The following SNX19 variants were observed in gnomAD, a reference collection of about 807,000 sequenced individuals.
SNX19 encodes the protein sorting nexin 19, also known as sorting nexin-19.
SNX19 carries 60 observed loss-of-function variants against 85.2 expected under a neutral mutation model. That is an observed-to-expected ratio of 0.70 (90% CI 0.57 to 0.87). The LOEUF is 0.87. SNX19 is among the 40% of genes least tolerant of loss of function. The pLI is 0.00. For missense variants in SNX19, 1,201 were observed against 1,217.8 expected, an observed-to-expected ratio of 0.99 and a Z score of 0.21; for synonymous variants, 520 against 470.0, an observed-to-expected ratio of 1.11 and a Z score of -1.38.
At chr11:130,912,411 T>A (rs1239899700) in intron 1 of SNX19, among the ~76,000 whole-genome samples, 1 of 152,182 alleles carries the variant, frequency 6.6e-6, no homozygotes, top group Admixed American at 6.5e-5. Flanking sequence ...AGGGCTGGTA[T>A]GTGGAAAAGA....
intron 8 of SNX19, among the ~76,000 whole-genome samples, chr11:130,902,862 T>G (rs1030850688): frequency 6.6e-6 from 1 of 152,230 alleles, no homozygotes; most frequent in African/African-American, 2.4e-5. Context: ...GTTTTCTCCT[T>G]TTCTTTCCCA....
chr11:130,872,319 C>T lies in SNX19; in HGVS notation c.*6103G>A, dbSNP rs551504578. On this transcript the variant is annotated 3_prime_UTR_variant, in exon 11 of 11. Transcript: ENST00000265909. Reference sequence around the variant, plus strand: ...AGCATAGTGTGTCTGCCAAGGTCTGCGGGTGCCCAAATTTCCCCCACCGCT... The same window carrying T: ...AGCATAGTGTGTCTGCCAAGGTCTGTGGGTGCCCAAATTTCCCCCACCGCT... 2.6e-3 allele frequency among the ~76,000 whole-genome samples: 397 copies of T among 152,222 alleles called. 2 individuals are homozygous for T. Among genetic ancestry groups the T allele is most frequent in the African/African-American group, 9.2e-3 (383 of 41,538 alleles).
At chr11:130,884,746 T>C (rs919211241) in intron 8 of SNX19, among the ~76,000 whole-genome samples, 1 of 151,736 alleles carries the variant, frequency 6.6e-6, no homozygotes, top group Non-Finnish European at 1.5e-5. Flanking sequence ...GGCGCACGCC[T>C]GTAGTCTCCA....
In SNX19 at chr11:130,872,742, T is replaced by C. The variant is rs1290941076; in HGVS notation, c.*5680A>G. Among the ~76,000 whole-genome samples the C allele has an allele frequency of 6.6e-6, 1 of 152,178 alleles. No homozygotes were observed. The highest frequency in any genetic ancestry group is 1.5e-5 in the Non-Finnish European group (1 of 68,038). ...CAAGTTATGGCAGAGTGCGCCCAGT[T>C]AGGCCTTCGACTACAAAAGTATCAT... On this transcript the variant is annotated 3_prime_UTR_variant, in exon 11 of 11. Transcript: ENST00000265909.
intron 7 of SNX19, among the ~76,000 whole-genome samples, chr11:130,904,498 A>G (rs1358332815): frequency 1.3e-5 from 2 of 150,484 alleles, no homozygotes; most frequent in Non-Finnish European, 3.0e-5. Context: ...GTGATTTCTA[A>G]TCATCTTCTC....
intron 7 of SNX19, among the ~76,000 whole-genome samples, chr11:130,903,671 A>G (rs1439042507): frequency 6.7e-6 from 1 of 149,654 alleles, no homozygotes; most frequent in Non-Finnish European, 1.5e-5. Flanking sequence ...TATATCTGCT[A>G]AATATATATA....
intron 8 of SNX19, among the ~76,000 whole-genome samples, chr11:130,896,988 G>A (rs1592324070): frequency 6.6e-6 from 1 of 152,160 alleles, no homozygotes; most frequent in Middle Eastern, 3.4e-3. Context: ...GGAAGCAAGA[G>A]GGTTCATGGT....
rs1255618825 is a variant in SNX19 at position 130,914,761 on chromosome 11, A to G, written c.1179T>C (p.Phe393=). The change falls in exon 1 of 11, where the codon TTT becomes TTC. Residue 393 remains phenylalanine, a synonymous_variant. Transcript: ENST00000265909. ...GGGCATCCTGAATCCTGTCAGAGAG[A>G]AAGCTGCCTGGAGTCATGAGCATGA... ...ETIMLMTPGS[F]LSDRIQDALC... The G allele has an allele frequency of 1.6e-5, 26 of 1,614,208 alleles. No homozygotes were observed. The highest frequency in any genetic ancestry group is 2.2e-5 in the Non-Finnish European group (26 of 1,180,040).
chr11:130,897,740 G>A (rs1944976289), intron 8 of SNX19, among the ~76,000 whole-genome samples: 1 of 152,138 alleles, frequency 6.6e-6, no homozygotes, highest in Admixed American at 6.5e-5. Flanking sequence ...GTCTAACTCT[G>A]AGTACTTGCC....
intron 8 of SNX19, among the ~76,000 whole-genome samples, chr11:130,887,782 C>T (rs184917773): frequency 2.6e-5 from 4 of 152,208 alleles, no homozygotes; most frequent in Non-Finnish European, 4.4e-5. Flanking sequence ...CCCATACATC[C>T]GTGATTTTGC....
At chr11:130,902,353 G>T (rs900784071) in intron 8 of SNX19, among the ~76,000 whole-genome samples, 1 of 152,182 alleles carries the variant, frequency 6.6e-6, no homozygotes, top group African/African-American at 2.4e-5. Flanking sequence ...ACATAACTTA[G>T]AAAAGGGAGA....
chr11:130,881,467 C>G (rs1943667337), intron 8 of SNX19, among the ~76,000 whole-genome samples: 1 of 152,218 alleles, frequency 6.6e-6, no homozygotes, highest in African/African-American at 2.4e-5. Context: ...GGCAAGGCTG[C>G]ACCTATTATC....
chr11:130,906,129 G>A lies in SNX19; in HGVS notation c.2267C>T (p.Ser756Phe). 1 of 1,613,588 alleles carries A rather than the reference G, an allele frequency of 6.2e-7. No homozygotes were observed. Among genetic ancestry groups the A allele is most frequent in the Non-Finnish European group, 8.5e-7 (1 of 1,179,794 alleles). ...CATCGCAGACATGGATAGAGTCTCA[G>A]ACTCCTAAGAAATAGTCAGTGGCAT... Reference protein sequence around the residue: ...LYCLQEGNVESETLSMSAMES... With the variant: ...LYCLQEGNVEFETLSMSAMES... The change falls in exon 7 of 11, where the codon TCT (serine) becomes TTT (phenylalanine). Residue 756 changes from serine (S) to phenylalanine (F), a missense_variant. By Grantham distance (155) the Ser-to-Phe change is radical. This residue lies in a region of SNX19 where 285 missense variants were observed against 295.3 expected (regional missense o/e 0.97). Transcript: ENST00000265909.
chr11:130,906,225 A>G, intron 6 of SNX19, 92 bp from the exon 7 acceptor site: 1 of 1,333,542 alleles, frequency 7.5e-7, no homozygotes, highest in Non-Finnish European at 1.0e-6. Context: ...TCCCCTGCAT[A>G]AGTACCTTGG....
At chr11:130,880,868 G>A (rs914160573) in intron 8 of SNX19, 62 bp from the exon 9 acceptor site, 7 of 1,366,900 alleles carry the variant, frequency 5.1e-6, no homozygotes, top group South Asian at 1.6e-5. Context: ...ACAAGGCAGC[G>A]GACTGACTGT....
intron 8 of SNX19, 180 bp from the exon 9 acceptor site, chr11:130,880,986 G>A (rs909922520): frequency 1.4e-5 from 6 of 429,028 alleles, no homozygotes; most frequent in Admixed American, 7.9e-5. Flanking sequence ...AAAGGTAAAT[G>A]CCCTTATAAA....
At position 130,915,356 on chromosome 11, in the gene SNX19, G is replaced by A. The variant is rs774896319; in HGVS notation, c.584C>T (p.Ala195Val). The A allele has an allele frequency of 1.4e-5, 23 of 1,613,970 alleles. No individual in the cohort carries two copies. The highest frequency in any genetic ancestry group is 5.5e-5 in the South Asian group (5 of 91,086). Residue 195 changes from alanine (A) to valine (V), a missense_variant, in exon 1 of 11, where the codon GCG (alanine) becomes GTG (valine). This residue lies in a region of SNX19 where 791 missense variants were observed against 750.9 expected (regional missense o/e 1.05). Coordinates refer to ENST00000265909, the MANE Select transcript of SNX19 (RefSeq NM_014758.3). ...GTGCACAGCAGGATGTGGGGCAGTCGCCCGGCAGTAAGCCTCCCAGAGGTG... is the reference window on the plus strand; with the variant it reads ...GTGCACAGCAGGATGTGGGGCAGTCACCCGGCAGTAAGCCTCCCAGAGGTG... ...PSHLWEAYCR[A>V]TAPHPAVHSP...
At position 130,915,245 on chromosome 11, in the gene SNX19, C is replaced by G. The variant is rs767094695; in HGVS notation, c.695G>C (p.Arg232Pro). The G allele has an allele frequency of 1.7e-5, 28 of 1,614,102 alleles. No individual in the cohort carries two copies. The South Asian group carries it at 3.0e-4, about 17-fold the overall frequency. The change falls in exon 1 of 11, where the codon CGT (arginine) becomes CCT (proline). Residue 232 changes from arginine (R) to proline (P), a missense_variant. This residue lies in a region of SNX19 where 791 missense variants were observed against 750.9 expected (regional missense o/e 1.05). Coordinates refer to ENST00000265909, the MANE Select transcript of SNX19 (RefSeq NM_014758.3). ...TTCGACCACTACATGGCGTCCGGTACGAGTCTCCAAGTGGGGCTTGGGCAC... is the reference window on the plus strand; with the variant it reads ...TTCGACCACTACATGGCGTCCGGTAGGAGTCTCCAAGTGGGGCTTGGGCAC... Reference protein sequence around the residue: ...GLVPKPHLETRTGRHVVVELI... With the variant: ...GLVPKPHLETPTGRHVVVELI...
intron 2 of SNX19, chr11:130,911,392 T>C (rs1946112700): frequency 1.6e-6 from 2 of 1,239,404 alleles, no homozygotes; most frequent in Admixed American, 3.8e-5. Context: ...TGAACACTTA[T>C]TTTTTAATCT....
Sources: gnomAD v4.1 joint callset for allele counts (sites outside exome capture counted in the v4.1 genomes callset) on GRCh38, gnomAD v4.1.1 for gene constraint, gnomAD v4.1.1 regional missense constraint, MANE v1.5 for transcripts, NCBI Gene and HGNC (gene_info 2026-07-23, HGNC 2026-07-21) for gene names.